The following NOD2 variants were observed in gnomAD, a reference collection of about 807,000 sequenced individuals.
NOD2 encodes the protein nucleotide binding oligomerization domain containing 2, also known as nucleotide-binding oligomerization domain-containing protein 2.
In NOD2, 86 loss-of-function variants were observed where a neutral mutation model predicts 90.9. The ratio of observed to expected loss-of-function variants is 0.95; its 90% CI spans 0.79 to 1.13. The LOEUF is 1.13. Among genes scored for constraint, NOD2 ranks in the 50% most tolerant of loss-of-function variants. The probability of loss-of-function intolerance (pLI) is 0.00; values close to 1 mark genes in which losing one functional copy is unlikely to be tolerated. For synonymous variants in NOD2, 581 were observed against 554.6 expected (o/e 1.05, Z -0.67); for missense variants, 1,238 against 1,283.8 (o/e 0.96, Z 0.55).
intron 4 of NOD2, chr16:50,713,229 C>A (rs1373233042): frequency 1.3e-5 from 2 of 152,204 alleles, no homozygotes; most frequent in East Asian, 3.9e-4. Context: ...AGCAGAAGTT[C>A]TAGATTGAAG....
chr16:50,712,453 A>G (rs776051117), intron 4 of NOD2, 80 bp downstream of exon 4: 92 of 1,577,054 alleles, frequency 5.8e-5, no homozygotes, highest in Non-Finnish European at 7.2e-5. Context: ...GCTGGGCTCT[A>G]GAAGTCTGGG....
chr16:50,702,655 TG>T (rs1963994169), intron 2 of NOD2, among the ~76,000 whole-genome samples: 3 of 152,334 alleles, frequency 2.0e-5, no homozygotes, highest in Admixed American at 2.0e-4. Flanking sequence ...AAATACCCAT[TG>T]CTACTATTGA....
Position 50,711,454 on chromosome 16 carries a change from C to T in NOD2, c.1462C>T (p.Leu488=), listed in dbSNP as rs1318205250. The T allele has an allele frequency of 3.7e-6, 6 of 1,613,544 alleles. No homozygotes were observed. The highest frequency in any genetic ancestry group is 4.2e-6 in the Non-Finnish European group (5 of 1,180,006). Residue 488 remains leucine, a synonymous_variant, in exon 4 of 12, where the codon CTG becomes TTG. Transcript: ENST00000647318. The part of the protein sequence containing the change: ...GSPKTTTDMY[L]LILQHFLLHA... ...CCCAAAGACCACTACAGATATGTACCTGCTGATTCTGCAGCATTTTCTGCT... is the reference window on the plus strand; with the variant it reads ...CCCAAAGACCACTACAGATATGTACTTGCTGATTCTGCAGCATTTTCTGCT...
At chr16:50,728,118 GT>G in intron 10 of NOD2, 1 of 211,242 alleles carries the variant, frequency 4.7e-6, no homozygotes, top group Non-Finnish European at 9.8e-6. Context: ...ACTTATCGAG[GT>G]TTTTCACCTT....
chr16:50,709,633 C>T (rs1266781072), intron 3 of NOD2, among the ~76,000 whole-genome samples: 1 of 152,124 alleles, frequency 6.6e-6, no homozygotes, highest in Non-Finnish European at 1.5e-5. Context: ...CTGGGGCACC[C>T]CGGTGACCCC....
At chr16:50,716,783 G>T (rs1241319742) in intron 5 of NOD2, 108 bp from the exon 6 acceptor site, 4 of 1,444,336 alleles carry the variant, frequency 2.8e-6, no homozygotes, top group South Asian at 1.1e-5. Context: ...TTTGCATGAT[G>T]GGGGGTGCAG....
At chr16:50,725,840 A>G (rs1431602049) in intron 10 of NOD2, among the ~76,000 whole-genome samples, 1 of 152,224 alleles carries the variant, frequency 6.6e-6, no homozygotes, top group Non-Finnish European at 1.5e-5. Context: ...GTTATCAATG[A>G]GGGAAATTGG....
At chr16:50,722,846 T>C (rs562292162) in intron 8 of NOD2, 141 bp downstream of exon 8, 1 of 825,236 alleles carries the variant, frequency 1.2e-6, no homozygotes, top group South Asian at 1.4e-5. Flanking sequence ...GACCATTGGA[T>C]TTCAAGAGAG....
rs766235880 is a variant in NOD2, at chr16:50,731,771, A to G, written c.2994A>G (p.Leu998=). ...GGCTCCGAGGGAACACTTTCTCTCT[A>G]GAGGAGGTTGACAAGCTCGGCTGCA... ...EVWLRGNTFS[L]EEVDKLGCRD... Residue 998 remains leucine, a synonymous_variant, in exon 12 of 12, where the codon CTA becomes CTG. Transcript: ENST00000647318. 4 of 1,613,578 alleles carry G rather than the reference A, an allele frequency of 2.5e-6. No individual in the cohort carries two copies. The highest frequency in any genetic ancestry group is 1.7e-5 in the Admixed American group (1 of 59,992).
At chr16:50,720,484 C>T (rs933302362) in intron 7 of NOD2, among the ~76,000 whole-genome samples, 2 of 152,138 alleles carry the variant, frequency 1.3e-5, no homozygotes, top group East Asian at 1.9e-4. Flanking sequence ...TAGGAAGGCA[C>T]CCAGGATAAG....
Position 50,711,137 on chromosome 16 carries a change from A to C in NOD2, c.1145A>C (p.Asn382Thr). ...DPTSVQTLLF[N>T]LLQGNLLKNA... is the part of the protein sequence containing the mutation. ...ACCTCTGTCCAGACCCTGCTCTTCA[A>C]CCTTCTGCAGGGCAACCTGCTGAAG... The change falls in exon 4 of 12, where the codon AAC becomes ACC. Residue 382 changes from asparagine (N) to threonine (T), a missense_variant. Around this residue, in one of 3 missense-constraint regions of NOD2, gnomAD observed 567 missense variants for 577.3 expected, o/e 0.98. Coordinates refer to ENST00000647318, the MANE Select transcript of NOD2 (RefSeq NM_001370466.1). 1 of 1,614,054 alleles carries C rather than the reference A, an allele frequency of 6.2e-7. No individual in the cohort carries two copies. Among genetic ancestry groups the C allele is most frequent in the African/African-American group, 1.3e-5 (1 of 75,026 alleles).
Position 50,710,773 on chromosome 16 carries a change from C to G in NOD2, c.781C>G (p.Leu261Val). 6.2e-7 allele frequency: 1 copy of G among 1,614,134 alleles called. No individual in the cohort carries two copies. Among genetic ancestry groups the G allele is most frequent in the Non-Finnish European group, 8.5e-7 (1 of 1,180,022 alleles). ...LEELFSTPGH[L>V]NDDADTVLVV... ...GGAGCTCTTCAGCACCCCTGGCCAC[C>G]TCAATGACGATGCGGACACTGTGCT... is the stretch of plus-strand genomic sequence containing the variant. The change falls in exon 4 of 12, where the codon CTC (leucine) becomes GTC (valine). Residue 261 changes from leucine to valine, a missense_variant. This residue lies in a region of NOD2 where 567 missense variants were observed against 577.3 expected (regional missense o/e 0.98). Transcript: ENST00000647318.
chr16:50,711,561 G>C lies in NOD2; in HGVS notation c.1569G>C (p.Leu523=), dbSNP rs372877004. The C allele has an allele frequency of 5.6e-6, 9 of 1,612,258 alleles. No homozygotes were observed. Among genetic ancestry groups the C allele is most frequent in the African/African-American group, 2.7e-5 (2 of 74,928 alleles). The change falls in exon 4 of 12, where the codon CTG becomes CTC. Residue 523 remains leucine (L), a synonymous_variant. Coordinates refer to ENST00000647318, the MANE Select transcript of NOD2 (RefSeq NM_001370466.1). ...GCCGCCTCCCCACCCTCCTGCACCT[G>C]GGCAGACTGGCTCTGTGGGGCCTGG... ...LRGRLPTLLH[L]GRLALWGLGM... is the part of the protein sequence containing the mutation.
chr16:50,713,166 A>T (rs1045166724), intron 4 of NOD2: 1 of 152,336 alleles, frequency 6.6e-6, no homozygotes, highest in East Asian at 1.9e-4. Flanking sequence ...ATTCCCCAAC[A>T]TCCTTCCAGC....
At position 50,711,644 on chromosome 16, in the gene NOD2, A is replaced by G. The variant is rs778204006; in HGVS notation, c.1652A>G (p.Asp551Gly). 5 of 1,612,926 alleles carry G rather than the reference A, an allele frequency of 3.1e-6. No homozygotes were observed. Among genetic ancestry groups the G allele is most frequent in the East Asian group, 2.2e-5 (1 of 44,870 alleles). The stretch of plus-strand genomic sequence containing the variant: ...CTCCAGGCAGCACAGGTCAGCCCTG[A>G]TGACATTTCTCTTGGCTTCCTGGTG... The part of the protein sequence containing the change: ...QQLQAAQVSP[D>G]DISLGFLVRA... The change falls in exon 4 of 12, where the codon GAT becomes GGT. Residue 551 changes from aspartate to glycine, a missense_variant. Asp to Gly is a moderately conservative substitution (Grantham distance 94). Coordinates refer to ENST00000647318, the MANE Select transcript of NOD2 (RefSeq NM_001370466.1).
In NOD2 at chr16:50,711,285, G is replaced by A. The variant is rs1430003119; in HGVS notation, c.1293G>A (p.Lys431=). 3 of 1,613,668 alleles carry A rather than the reference G, an allele frequency of 1.9e-6. No individual in the cohort carries two copies. Among genetic ancestry groups the A allele is most frequent in the Admixed American group, 3.3e-5 (2 of 60,010 alleles). ...SEQGIELYLR[K]RHHEPGVADR... ...AGGGCATCGAGCTGTACCTGAGGAA[G>A]CGCCATCATGAGCCCGGGGTGGCGG... Residue 431 remains lysine (K), a synonymous_variant, in exon 4 of 12, where the codon AAG becomes AAA. Transcript: ENST00000647318.
At position 50,699,339 on chromosome 16, in the gene NOD2, A is replaced by G. The variant is rs959536649; in HGVS notation, c.-8-149A>G. On this transcript the variant is annotated intron_variant, in intron 1 of 11. Transcript: ENST00000647318. The stretch of plus-strand genomic sequence containing the variant: ...TCTCTGGGTCTCAATTTTCACATCT[A>G]TATGGTGGGGAGCTTGGATTGGGTA... 3.2e-5 allele frequency: 22 copies of G among 694,490 alleles called. No homozygotes were observed. In the Middle Eastern group the frequency reaches 1.6e-3, roughly 51 times the overall value. The allele number at this position is 694,490 out of a possible 1,614,324, so 43.0% of individuals were successfully genotyped here.
chr16:50,704,674 C>T (rs975315039), intron 2 of NOD2, among the ~76,000 whole-genome samples: 1 of 152,084 alleles, frequency 6.6e-6, no homozygotes, highest in Non-Finnish European at 1.5e-5. Flanking sequence ...GCTGGGATTA[C>T]AGGCACCCAC....
chr16:50,719,385 G>A (rs1410224276), intron 6 of NOD2, among the ~76,000 whole-genome samples: 1 of 152,212 alleles, frequency 6.6e-6, no homozygotes, highest in African/African-American at 2.4e-5. Context: ...TTCAGTTGCA[G>A]CAGGAGCCTT....
Sources: gnomAD v4.1 joint callset for allele counts (sites outside exome capture counted in the v4.1 genomes callset) on GRCh38, gnomAD v4.1.1 for gene constraint, gnomAD v4.1.1 regional missense constraint, MANE v1.5 for transcripts, NCBI Gene and HGNC (gene_info 2026-07-23, HGNC 2026-07-21) for gene names.